Variants in SCHIP1 observed in about 807,000 individuals in gnomAD.
The protein encoded by SCHIP1 is schwannomin-interacting protein 1.
In SCHIP1, 8 loss-of-function variants were observed where a neutral mutation model predicts 29.7. The observed-to-expected ratio is 0.27, with a 90% CI of 0.16 to 0.49. The LOEUF is 0.49. Ranked by LOEUF, SCHIP1 falls within the 20% of genes least tolerant of loss-of-function variation. The pLI is 0.99. For synonymous variants in SCHIP1, 76 were observed against 94.9 expected (o/e 0.80, Z 1.16); for missense variants, 193 against 294.6 (o/e 0.66, Z 2.52).
the SCHIP1 span, among the ~76,000 whole-genome samples, chr3:159,762,622 A>G: frequency 1.3e-5 from 2 of 152,248 alleles, no homozygotes; most frequent in Non-Finnish European, 2.9e-5. Flanking sequence ...ATTTTTCACA[A>G]TCACCACAGA....
the SCHIP1 span, among the ~76,000 whole-genome samples, chr3:159,785,446 T>G: frequency 6.6e-6 from 1 of 152,182 alleles, no homozygotes; most frequent in African/African-American, 2.4e-5. Context: ...TCCTTCTTCC[T>G]ACATAACTGA....
At chr3:159,840,283 C>T in intron 1 of SCHIP1, 1 of 1,345,236 alleles carries the variant, frequency 7.4e-7, no homozygotes, top group Non-Finnish European at 1.0e-6. Flanking sequence ...TCCAAAGCAG[C>T]AGGTTGCCTC....
the SCHIP1 span, among the ~76,000 whole-genome samples, chr3:159,525,091 C>T: frequency 5.3e-5 from 8 of 152,170 alleles, no homozygotes; most frequent in African/African-American, 1.7e-4. Context: ...ATTGCATCCT[C>T]GGTGTTCACT....
chr3:159,771,692 GTTT>G, the SCHIP1 span, among the ~76,000 whole-genome samples: 6 of 144,112 alleles, frequency 4.2e-5, no homozygotes, highest in South Asian at 2.2e-4. Flanking sequence ...TGTCTTTGTT[GTTT>G]TTTTTTTTTT....
the SCHIP1 span, among the ~76,000 whole-genome samples, chr3:159,833,700 T>G: frequency 6.6e-6 from 1 of 152,212 alleles, no homozygotes; most frequent in East Asian, 1.9e-4. Context: ...CCCTAAATTC[T>G]ACCTGTCAGC....
intron 2 of SCHIP1, among the ~76,000 whole-genome samples, chr3:159,871,369 G>A (rs1478145618): frequency 1.8e-4 from 19 of 105,752 alleles, no homozygotes; most frequent in African/African-American, 7.0e-4. Flanking sequence ...TGGGGGGGGT[G>A]GGGGGGGGCT....
the SCHIP1 span, among the ~76,000 whole-genome samples, chr3:159,504,310 T>G: frequency 6.6e-6 from 1 of 152,206 alleles, no homozygotes; most frequent in African/African-American, 2.4e-5. Flanking sequence ...GTCAAAATTC[T>G]TCTCCCAGAA....
chr3:159,528,285 G>C, the SCHIP1 span, among the ~76,000 whole-genome samples: 1 of 152,198 alleles, frequency 6.6e-6, no homozygotes, highest in African/African-American at 2.4e-5. Context: ...AGGCAGAGCA[G>C]CAGTGGTAAA....
At chr3:159,539,238 A>ATTTCATGTT in the SCHIP1 span, among the ~76,000 whole-genome samples, 13 of 83,458 alleles carry the variant, frequency 1.6e-4, no homozygotes, top group East Asian at 5.5e-4. Flanking sequence ...AATATGGATC[A>ATTTCATGTT]ATTTTCAAAG....
At chr3:159,655,559 A>G in the SCHIP1 span, among the ~76,000 whole-genome samples, 1 of 152,122 alleles carries the variant, frequency 6.6e-6, no homozygotes. Flanking sequence ...GGAGATAGGA[A>G]TGTTACCAAG....
chr3:159,595,853 C>A, the SCHIP1 span, among the ~76,000 whole-genome samples: 1 of 152,092 alleles, frequency 6.6e-6, no homozygotes, highest in East Asian at 1.9e-4. Flanking sequence ...ATTCAGGAAC[C>A]CAGATAGGTT....
chr3:159,698,683 G>A, the SCHIP1 span, among the ~76,000 whole-genome samples: 1 of 151,872 alleles, frequency 6.6e-6, no homozygotes, highest in Non-Finnish European at 1.5e-5. Context: ...CAGTCACCCA[G>A]GCTGGAGTGC....
the SCHIP1 span, among the ~76,000 whole-genome samples, chr3:159,369,632 C>A: frequency 6.6e-6 from 1 of 151,678 alleles, no homozygotes; most frequent in Non-Finnish European, 1.5e-5. Flanking sequence ...CCAAGTGATA[C>A]TTGTCATGAA....
chr3:159,505,949 T>C, the SCHIP1 span, among the ~76,000 whole-genome samples: 2 of 152,226 alleles, frequency 1.3e-5, no homozygotes, highest in Non-Finnish European at 2.9e-5. Context: ...CATGTCTTTA[T>C]AGCAGTATGA....
At chr3:159,579,367 T>G in the SCHIP1 span, among the ~76,000 whole-genome samples, 1 of 152,200 alleles carries the variant, frequency 6.6e-6, no homozygotes, top group Non-Finnish European at 1.5e-5. Context: ...AGAGTCAAAA[T>G]CTACTTACAG....
chr3:159,357,351 A>G, the SCHIP1 span, among the ~76,000 whole-genome samples: 2 of 152,214 alleles, frequency 1.3e-5, no homozygotes, highest in African/African-American at 2.4e-5. Flanking sequence ...ATTTCAAGAT[A>G]ATAATTGAAA....
the SCHIP1 span, among the ~76,000 whole-genome samples, chr3:159,564,346 T>C: frequency 6.6e-6 from 1 of 151,638 alleles, no homozygotes; most frequent in African/African-American, 2.4e-5. Flanking sequence ...TTGGGTACTT[T>C]CCTCCTACCT....
chr3:159,540,167 T>C, the SCHIP1 span, among the ~76,000 whole-genome samples: 1 of 152,080 alleles, frequency 6.6e-6, no homozygotes, highest in African/African-American at 2.4e-5. Flanking sequence ...CATTATATCA[T>C]ATCCTTCATC....
At chr3:159,358,359 C>T in the SCHIP1 span, among the ~76,000 whole-genome samples, 1 of 152,300 alleles carries the variant, frequency 6.6e-6, no homozygotes, top group East Asian at 1.9e-4. Flanking sequence ...AAAAGGCAAT[C>T]CAGGCAGAGA....
Sources: gnomAD v4.1 joint callset for allele counts (sites outside exome capture counted in the v4.1 genomes callset) on GRCh38, gnomAD v4.1.1 for gene constraint, MANE v1.5 for transcripts, NCBI Gene and HGNC (gene_info 2026-07-23, HGNC 2026-07-21) for gene names.